Variants in ADAM32 observed in about 807,000 individuals in gnomAD.
ADAM32 encodes ADAM metallopeptidase domain 32.
ADAM32 carries 89 observed loss-of-function variants against 114.9 expected under a neutral mutation model. The ratio of observed to expected loss-of-function variants is 0.77; its 90% CI spans 0.65 to 0.92. The LOEUF is 0.92. ADAM32 is among the 40% of genes least tolerant of loss of function. ADAM32 has a pLI of 0.00. For synonymous variants in ADAM32, 285 were observed against 307.5 expected (o/e 0.93, Z 0.77); for missense variants, 870 against 932.8 (o/e 0.93, Z 0.88).
intron 8 of ADAM32, 84 bp from the exon 9 acceptor site, chr8:39,164,946 G>A: frequency 2.0e-6 from 3 of 1,492,894 alleles, no homozygotes; most frequent in South Asian, 1.3e-5. Context: ...ACTGAGTGTG[G>A]GATTGTAAAA....
At chr8:39,177,505 T>A (rs1805604009) in intron 10 of ADAM32, among the ~76,000 whole-genome samples, 1 of 152,222 alleles carries the variant, frequency 6.6e-6, no homozygotes, top group Admixed American at 6.5e-5. Flanking sequence ...TTTAGCCGAT[T>A]TACATTTAAA....
At chr8:39,129,961 T>C (rs963543302) in intron 2 of ADAM32, 6 of 376,424 alleles carry the variant, frequency 1.6e-5, no homozygotes, top group African/African-American at 1.3e-4. Context: ...TTTCCTTTTT[T>C]TTTTTTTTTT....
At chr8:39,157,427 G>T in intron 6 of ADAM32, 1 of 262,090 alleles carries the variant, frequency 3.8e-6, no homozygotes, top group Non-Finnish European at 7.4e-6. Context: ...TTATGAGCTT[G>T]ATGGTGTCCC....
chr8:39,219,322 G>C (rs926188162), intron 12 of ADAM32, among the ~76,000 whole-genome samples: 3 of 152,104 alleles, frequency 2.0e-5, no homozygotes, highest in African/African-American at 7.2e-5. Flanking sequence ...TCACCACTAG[G>C]ACTTGCCTAG....
At chr8:39,280,968 G>C (rs1208174238) in intron 22 of ADAM32, among the ~76,000 whole-genome samples, 168 bp from the exon 23 acceptor site, 1 of 151,846 alleles carries the variant, frequency 6.6e-6, no homozygotes, top group Non-Finnish European at 1.5e-5. Context: ...ATTTTTAGTA[G>C]AGACGGGGTT....
chr8:39,228,548 TAG>T, intron 14 of ADAM32, among the ~76,000 whole-genome samples: 1 of 152,288 alleles, frequency 6.6e-6, no homozygotes, highest in African/African-American at 2.4e-5. Context: ...TGGAAAGTCT[TAG>T]CAATAGAACT....
intron 10 of ADAM32, among the ~76,000 whole-genome samples, chr8:39,176,787 G>A (rs1044699253): frequency 1.3e-5 from 2 of 152,146 alleles, no homozygotes; most frequent in African/African-American, 4.8e-5. Context: ...TCAGTGGGGT[G>A]TTAAAGTCTC....
intron 1 of ADAM32, among the ~76,000 whole-genome samples, chr8:39,116,239 A>C (rs191623206): frequency 2.0e-5 from 3 of 152,144 alleles, no homozygotes; most frequent in African/African-American, 7.2e-5. Flanking sequence ...GTTCCATATG[A>C]ATTTTAGAAT....
At chr8:39,210,355 TC>T (rs1225280757) in intron 11 of ADAM32, among the ~76,000 whole-genome samples, 2 of 152,230 alleles carry the variant, frequency 1.3e-5, no homozygotes, top group African/African-American at 4.8e-5. Context: ...ATGTGTCTTT[TC>T]TTGTTGTTAT....
chr8:39,200,745 T>G (rs1434558217), intron 11 of ADAM32, among the ~76,000 whole-genome samples: 2 of 152,234 alleles, frequency 1.3e-5, no homozygotes, highest in African/African-American at 2.4e-5. Flanking sequence ...TCTAGGGTTT[T>G]TATGGTTTTA....
chr8:39,272,206 G>T (rs926640620), intron 20 of ADAM32, among the ~76,000 whole-genome samples: 1 of 151,380 alleles, frequency 6.6e-6, no homozygotes. Context: ...TAAAAGAACA[G>T]AACAATTAGG....
chr8:39,251,201 G>T (rs1345887464), intron 17 of ADAM32, among the ~76,000 whole-genome samples: 1 of 151,852 alleles, frequency 6.6e-6, no homozygotes, highest in Admixed American at 6.6e-5. Flanking sequence ...TAGTAGAATT[G>T]CTGGGTCATA....
intron 11 of ADAM32, among the ~76,000 whole-genome samples, chr8:39,190,616 G>A (rs1351610378): frequency 6.6e-6 from 1 of 152,170 alleles, no homozygotes; most frequent in Non-Finnish European, 1.5e-5. Flanking sequence ...TCTCATGGCG[G>A]TGTTGATTTA....
chr8:39,184,510 T>C (rs1585482711), intron 10 of ADAM32, among the ~76,000 whole-genome samples: 1 of 152,358 alleles, frequency 6.6e-6, no homozygotes, highest in Middle Eastern at 3.4e-3. Context: ...CTTAGACCAG[T>C]AGACTAAGGT....
At chr8:39,140,614 C>CT (rs769064084) in intron 3 of ADAM32, among the ~76,000 whole-genome samples, 5 of 152,218 alleles carry the variant, frequency 3.3e-5, no homozygotes, top group East Asian at 3.9e-4. Context: ...CTAAAATTCT[C>CT]TTTTTTGTGT....
chr8:39,239,880 C>A (rs546537722), intron 16 of ADAM32, among the ~76,000 whole-genome samples: 41 of 152,162 alleles, frequency 2.7e-4, no homozygotes, highest in South Asian at 1.2e-3. Flanking sequence ...AAAAAAATCA[C>A]AATTGTAAAT....
intron 14 of ADAM32, among the ~76,000 whole-genome samples, chr8:39,225,106 G>C (rs1809263977): frequency 6.6e-6 from 1 of 152,116 alleles, no homozygotes; most frequent in African/African-American, 2.4e-5. Context: ...TTTCCTCCAA[G>C]AATCAGCTAC....
chr8:39,261,204 T>C (rs1381501525), intron 19 of ADAM32, among the ~76,000 whole-genome samples: 1 of 152,198 alleles, frequency 6.6e-6, no homozygotes, highest in Non-Finnish European at 1.5e-5. Context: ...TAGCAAATCT[T>C]TCCTTATCCC....
intron 11 of ADAM32, among the ~76,000 whole-genome samples, chr8:39,196,663 C>T (rs1485593569): frequency 6.6e-6 from 1 of 151,982 alleles, no homozygotes; most frequent in Non-Finnish European, 1.5e-5. Flanking sequence ...TTAAACCATC[C>T]TTGCAATCTT....
Sources: allele counts gnomAD v4.1 joint callset (sites outside exome capture counted in the v4.1 genomes callset), GRCh38; gene constraint gnomAD v4.1.1; transcripts MANE v1.5; gene names NCBI Gene and HGNC (gene_info 2026-07-23, HGNC 2026-07-21).